The following VTI1A variants were observed in gnomAD, a reference collection of about 807,000 sequenced individuals.
The protein encoded by VTI1A is vesicle transport through interaction with t-SNAREs 1A.
A neutral mutation model predicts 34.9 loss-of-function variants in VTI1A; 22 were observed. The ratio of observed to expected loss-of-function variants is 0.63; its 90% CI spans 0.45 to 0.90. VTI1A has a LOEUF of 0.90. Ranked by LOEUF, VTI1A falls within the 40% of genes least tolerant of loss-of-function variation. The probability of loss-of-function intolerance (pLI) is 0.00; values close to 1 mark genes in which losing one functional copy is unlikely to be tolerated. For synonymous variants in VTI1A, 87 were observed against 97.3 expected, an observed-to-expected ratio of 0.89 and a Z score of 0.62; for missense variants, 268 against 275.6, an observed-to-expected ratio of 0.97 and a Z score of 0.20.
At chr10:112,762,233 T>C (rs1398164550) in intron 7 of VTI1A, among the ~76,000 whole-genome samples, 2 of 152,186 alleles carry the variant, frequency 1.3e-5, no homozygotes, top group African/African-American at 4.8e-5. Context: ...TCATAGGGGA[T>C]GCTAGAGCCA....
intron 7 of VTI1A, among the ~76,000 whole-genome samples, chr10:112,676,941 A>G (rs1365389762): frequency 2.6e-5 from 4 of 152,208 alleles, no homozygotes; most frequent in African/African-American, 7.2e-5. Context: ...GCCTTCGTCA[A>G]GGATTCCCCT....
the VTI1A span, among the ~76,000 whole-genome samples, chr10:112,845,510 C>T: frequency 6.6e-6 from 1 of 152,144 alleles, no homozygotes; most frequent in Admixed American, 6.5e-5. Flanking sequence ...TCAGAACTAA[C>T]TTGCGCAGCA....
intron 5 of VTI1A, among the ~76,000 whole-genome samples, chr10:112,557,263 A>G (rs547013033): frequency 6.6e-6 from 1 of 152,276 alleles, no homozygotes; most frequent in South Asian, 2.1e-4. Flanking sequence ...GCTATTCCAG[A>G]AATTTTTAAA....
chr10:112,533,413 G>A, intron 4 of VTI1A: 1 of 671,028 alleles, frequency 1.5e-6, no homozygotes, highest in Non-Finnish European at 1.9e-6. Flanking sequence ...ATTTTTAAAT[G>A]CTAAACATGT....
chr10:112,452,078 T>C (rs1396254994), intron 1 of VTI1A, among the ~76,000 whole-genome samples: 2 of 152,216 alleles, frequency 1.3e-5, no homozygotes, highest in African/African-American at 4.8e-5. Context: ...TCTGTTGCTC[T>C]AGAGGGTTAC....
intron 5 of VTI1A, among the ~76,000 whole-genome samples, chr10:112,636,230 A>G (rs1434444268): frequency 6.6e-6 from 1 of 152,246 alleles, no homozygotes; most frequent in East Asian, 1.9e-4. Flanking sequence ...AAATCTTTAT[A>G]TAAGGGCACT....
the VTI1A span, chr10:112,826,319 C>G: frequency 6.6e-6 from 1 of 152,232 alleles, no homozygotes; most frequent in Non-Finnish European, 1.5e-5. Context: ...GGGATCTGGA[C>G]TGGCATCCAA....
intron 5 of VTI1A, among the ~76,000 whole-genome samples, chr10:112,623,596 A>G (rs964347262): frequency 2.0e-5 from 3 of 152,040 alleles, no homozygotes; most frequent in Non-Finnish European, 1.5e-5. Flanking sequence ...CCAGGGGCAC[A>G]TTCTCCCCAA....
chr10:112,520,704 A>T (rs1301011165), intron 3 of VTI1A, among the ~76,000 whole-genome samples: 2 of 150,412 alleles, frequency 1.3e-5, no homozygotes, highest in Non-Finnish European at 3.0e-5. Context: ...AAATATTCAC[A>T]TATGATATTA....
chr10:112,492,590 A>G (rs914735602), intron 3 of VTI1A, among the ~76,000 whole-genome samples: 6 of 152,294 alleles, frequency 3.9e-5, no homozygotes, highest in Middle Eastern at 3.4e-3. Flanking sequence ...GATTGAGACC[A>G]TCCTGGCCAA....
chr10:112,844,990 C>T, the VTI1A span, among the ~76,000 whole-genome samples: 8 of 152,140 alleles, frequency 5.3e-5, no homozygotes, highest in Non-Finnish European at 1.0e-4. Flanking sequence ...TTCCTCTTCC[C>T]GCTGCAGTTT....
At chr10:112,577,822 C>A (rs986278608) in intron 5 of VTI1A, among the ~76,000 whole-genome samples, 1 of 152,156 alleles carries the variant, frequency 6.6e-6, no homozygotes, top group Non-Finnish European at 1.5e-5. Flanking sequence ...AGCCAAGCAG[C>A]CTTCCAGGCA....
chr10:112,663,802 C>G (rs1010009821), intron 5 of VTI1A, among the ~76,000 whole-genome samples: 3 of 152,162 alleles, frequency 2.0e-5, no homozygotes, highest in African/African-American at 7.2e-5. Flanking sequence ...TCATTAGACT[C>G]CGTGGCCAGA....
intron 5 of VTI1A, among the ~76,000 whole-genome samples, chr10:112,571,919 A>G (rs1176844439): frequency 5.3e-5 from 8 of 152,216 alleles, no homozygotes; most frequent in Non-Finnish European, 1.2e-4. Context: ...ACTTAAAAGC[A>G]GGAGCCAAAC....
intron 7 of VTI1A, among the ~76,000 whole-genome samples, chr10:112,772,875 C>A (rs1254424152): frequency 6.6e-6 from 1 of 152,148 alleles, no homozygotes; most frequent in Non-Finnish European, 1.5e-5. Flanking sequence ...TCAGTCGGAA[C>A]AAAACTGACC....
chr10:112,619,091 T>C (rs576211307), intron 5 of VTI1A, among the ~76,000 whole-genome samples: 1 of 150,840 alleles, frequency 6.6e-6, no homozygotes, highest in Non-Finnish European at 1.5e-5. Flanking sequence ...GGAACTAATA[T>C]ATGTTGTGCA....
intron 7 of VTI1A, among the ~76,000 whole-genome samples, chr10:112,763,446 A>C (rs1416085572): frequency 6.6e-6 from 1 of 151,848 alleles, no homozygotes; most frequent in East Asian, 1.9e-4. Context: ...CTCAAAAAAA[A>C]AAAAAAAAGG....
intron 5 of VTI1A, among the ~76,000 whole-genome samples, chr10:112,622,894 A>G (rs1262434820): frequency 6.6e-6 from 1 of 152,230 alleles, no homozygotes; most frequent in Non-Finnish European, 1.5e-5. Context: ...GCATTTAGAC[A>G]AGCTGGGTTT....
At chr10:112,661,417 CT>C (rs1288533992) in intron 5 of VTI1A, among the ~76,000 whole-genome samples, 1 of 152,086 alleles carries the variant, frequency 6.6e-6, no homozygotes, top group African/African-American at 2.4e-5. Context: ...ACCTGGCCTG[CT>C]TTTATACTTA....
Sources: allele counts gnomAD v4.1 joint callset (sites outside exome capture counted in the v4.1 genomes callset), GRCh38; gene constraint gnomAD v4.1.1; transcripts MANE v1.5; gene names NCBI Gene and HGNC (gene_info 2026-07-23, HGNC 2026-07-21).